The following CRTAM variants were observed in gnomAD, a reference collection of about 807,000 sequenced individuals.
CRTAM encodes cytotoxic and regulatory T cell molecule.
Under a neutral mutation model 50.0 loss-of-function variants are expected in CRTAM, and 44 were observed. The ratio of observed to expected loss-of-function variants is 0.88; its 90% CI spans 0.69 to 1.13. The LOEUF is 1.13. CRTAM is among the 50% of genes most tolerant of loss of function. The pLI, the probability that CRTAM is intolerant of heterozygous loss-of-function variation, is 0.00. For synonymous variants in CRTAM, 159 were observed against 169.3 expected (o/e 0.94, Z 0.47); for missense variants, 448 against 457.5 (o/e 0.98, Z 0.19).
chr11:122,843,248 G>A (rs779265321), intron 1 of CRTAM, among the ~76,000 whole-genome samples: 1 of 152,200 alleles, frequency 6.6e-6, no homozygotes, highest in Non-Finnish European at 1.5e-5. Context: ...ATTTGGGATG[G>A]TGATGACGGT....
chr11:122,840,420 CGTGTGT>C (rs59792353), intron 1 of CRTAM, among the ~76,000 whole-genome samples: 17 of 150,074 alleles, frequency 1.1e-4, no homozygotes, highest in African/African-American at 4.1e-4. Context: ...TTCTAATTAA[CGTGTGT>C]GTGTGTGTGT....
At position 122,851,740 on chromosome 11, in the gene CRTAM, C is replaced by G; in HGVS notation, c.241C>G (p.Leu81Val). Residue 81 changes from leucine (L) to valine (V), a missense_variant, in exon 3 of 10, where the codon CTC becomes GTC. Leu to Val is a conservative substitution (Grantham distance 32). Coordinates refer to ENST00000227348, the MANE Select transcript of CRTAM (RefSeq NM_019604.4). ...GCTTCTTCATCACTCGGCCAATCAG[C>G]TCTCCATCACTGTGCCTAACGTAAC... ...YQLLHHSANQ[L>V]SITVPNVTLQ... 6.2e-7 allele frequency: 1 copy of G among 1,614,144 alleles called. No homozygotes were observed. The highest frequency in any genetic ancestry group is 8.5e-7 in the Non-Finnish European group (1 of 1,180,018).
chr11:122,839,523 T>C (rs769258625), intron 1 of CRTAM, among the ~76,000 whole-genome samples: 14 of 152,208 alleles, frequency 9.2e-5, no homozygotes, highest in Admixed American at 6.5e-5. Context: ...CAAATTTGGA[T>C]TTTAGTGCTT....
intron 1 of CRTAM, 74 bp from the exon 2 acceptor site, chr11:122,849,994 T>C (rs1395072886): frequency 5.0e-6 from 7 of 1,387,598 alleles, no homozygotes; most frequent in Admixed American, 2.3e-5. Flanking sequence ...CATGATTGAA[T>C]GAATGAACGA....
intron 2 of CRTAM, 117 bp downstream of exon 2, chr11:122,850,331 C>T (rs1159042268): frequency 7.1e-6 from 7 of 992,046 alleles, no homozygotes; most frequent in Non-Finnish European, 1.0e-5. Flanking sequence ...GGGCTCAGCC[C>T]ACCTACTGTT....
At chr11:122,855,197 G>T (rs1051044854) in intron 4 of CRTAM, among the ~76,000 whole-genome samples, 5 of 152,174 alleles carry the variant, frequency 3.3e-5, no homozygotes, top group African/African-American at 1.2e-4. Context: ...AACTGCCTCG[G>T]CCTCCCAGAG....
At position 122,868,947 on chromosome 11, in the gene CRTAM, T is replaced by C. The variant is rs561735378; in HGVS notation, c.1051+848T>C. Among the ~76,000 whole-genome samples the C allele has an allele frequency of 3.5e-4, 54 of 152,190 alleles. 1 individual carries two copies. The South Asian group carries it at 0.011, about 32-fold the overall frequency. Reference sequence around the variant, plus strand: ...TGGCGTGAACCCGGGAGGCGGAGCTTGCAGTGAGCCGAGATCGTGCCACTG... The same window carrying C: ...TGGCGTGAACCCGGGAGGCGGAGCTCGCAGTGAGCCGAGATCGTGCCACTG... On this transcript the variant is annotated intron_variant, in intron 9 of 9. Coordinates refer to ENST00000227348, the MANE Select transcript of CRTAM (RefSeq NM_019604.4).
chr11:122,871,553 A>G lies in CRTAM; in HGVS notation c.*154A>G, dbSNP rs768510985. The G allele has an allele frequency of 1.2e-4, 65 of 557,650 alleles. No individual in the cohort carries two copies. Among genetic ancestry groups the G allele is most frequent in the Non-Finnish European group, 1.7e-4 (58 of 335,438 alleles). 34.5% of individuals were successfully genotyped at this position (557,650 alleles called of 1,614,324 possible). On this transcript the variant is annotated 3_prime_UTR_variant, in exon 10 of 10. Coordinates refer to ENST00000227348, the MANE Select transcript of CRTAM (RefSeq NM_019604.4). ...TCGGATAATGATCTGCCCCGGAGCTAGGGCAGCAACATGAGGACCAAACCA... is the reference window on the plus strand; with the variant it reads ...TCGGATAATGATCTGCCCCGGAGCTGGGGCAGCAACATGAGGACCAAACCA...
chr11:122,856,012 C>T (rs1433354450), intron 5 of CRTAM, among the ~76,000 whole-genome samples, 156 bp downstream of exon 5: 2 of 152,192 alleles, frequency 1.3e-5, no homozygotes, highest in Non-Finnish European at 2.9e-5. Context: ...TGAAATTTCT[C>T]CAGGTGAGTG....
At chr11:122,847,146 G>A (rs1285424761) in intron 1 of CRTAM, among the ~76,000 whole-genome samples, 1 of 152,114 alleles carries the variant, frequency 6.6e-6, no homozygotes, top group Non-Finnish European at 1.5e-5. Context: ...GAATACTATT[G>A]TTTTTCCTGT....
At chr11:122,854,610 C>G (rs1591352334) in intron 4 of CRTAM, among the ~76,000 whole-genome samples, 1 of 138,874 alleles carries the variant, frequency 7.2e-6, no homozygotes, top group East Asian at 2.1e-4. Flanking sequence ...TGGTGTGAGC[C>G]AAAAATCACA....
chr11:122,867,628 C>T (rs1242472277), intron 8 of CRTAM, 73 bp downstream of exon 8: 5 of 1,446,848 alleles, frequency 3.5e-6, no homozygotes, highest in Non-Finnish European at 4.7e-6. Context: ...GAAATTCTGT[C>T]CATTAAAGCT....
chr11:122,840,377 A>T (rs1351847005), intron 1 of CRTAM, among the ~76,000 whole-genome samples: 1 of 152,144 alleles, frequency 6.6e-6, no homozygotes, highest in Non-Finnish European at 1.5e-5. Context: ...CCAGCCTATA[A>T]AGCACATAGT....
rs781463123 is a variant in CRTAM, at chr11:122,850,096, C to T, written c.75C>T (p.Thr25=). 9.9e-6 allele frequency: 16 copies of T among 1,612,646 alleles called. No individual in the cohort carries two copies. The Admixed American group carries it at 2.2e-4, about 22-fold the overall frequency. Residue 25 remains threonine (T), a synonymous_variant, in exon 2 of 10, where the codon ACC becomes ACT. Transcript: ENST00000227348. The part of the protein sequence containing the change: ...QEASLTNHTE[T]ITVEEGQTLT... ...CCTCTCTGACTAACCACACAGAAAC[C>T]ATCACCGTGGAGGAAGGCCAGACGC... is the stretch of plus-strand genomic sequence containing the variant.
chr11:122,871,425 T>A lies in CRTAM; in HGVS notation c.*26T>A, dbSNP rs1862252543. 1.3e-6 allele frequency: 2 copies of A among 1,597,018 alleles called. No individual in the cohort carries two copies. Among genetic ancestry groups the A allele is most frequent in the Non-Finnish European group, 1.7e-6 (2 of 1,171,306 alleles). ...TGCTCTCTGCAATGGAACATGTGATTTCAGGGTTGCCGCAGTGTCACCTCA... is the reference window on the plus strand; with the variant it reads ...TGCTCTCTGCAATGGAACATGTGATATCAGGGTTGCCGCAGTGTCACCTCA... On this transcript the variant is annotated 3_prime_UTR_variant, in exon 10 of 10. Coordinates refer to ENST00000227348, the MANE Select transcript of CRTAM (RefSeq NM_019604.4).
chr11:122,868,188 A>ATGTGTGTGTGTGTATG, intron 9 of CRTAM, 89 bp downstream of exon 9: 1 of 438,344 alleles, frequency 2.3e-6, no homozygotes, highest in Non-Finnish European at 4.2e-6. Context: ...ACAACAGAAT[A>ATGTGTGTGTGTGTATG]TGTGTGTGTG....
At chr11:122,848,567 G>A (rs1365943688) in intron 1 of CRTAM, among the ~76,000 whole-genome samples, 1 of 152,124 alleles carries the variant, frequency 6.6e-6, no homozygotes, top group African/African-American at 2.4e-5. Flanking sequence ...CAATAATTCT[G>A]GGTTATTTCT....
At position 122,864,679 on chromosome 11, in the gene CRTAM, A is replaced by G; in HGVS notation, c.777A>G (p.Glu259=). Residue 259 remains glutamate (E), a synonymous_variant, in exon 7 of 10, where the codon GAA becomes GAG. Coordinates refer to ENST00000227348, the MANE Select transcript of CRTAM (RefSeq NM_019604.4). The part of the protein sequence containing the change: ...EDSSTSEIDK[E]EKEQTTQDPD... ...CTAGTACATCGGAGATTGACAAGGA[A>G]GAGAAAGAACAAACCACTCAAGATC... 1.2e-6 allele frequency: 2 copies of G among 1,613,946 alleles called. No individual in the cohort carries two copies. Among genetic ancestry groups the G allele is most frequent in the Non-Finnish European group, 1.7e-6 (2 of 1,179,858 alleles).
chr11:122,850,946 T>C (rs1861921801), intron 2 of CRTAM, among the ~76,000 whole-genome samples: 1 of 152,212 alleles, frequency 6.6e-6, no homozygotes. Flanking sequence ...TCAGTCTTAT[T>C]TATAAAGCAG....
Sources: allele counts gnomAD v4.1 joint callset (sites outside exome capture counted in the v4.1 genomes callset), GRCh38; gene constraint gnomAD v4.1.1; transcripts MANE v1.5; gene names NCBI Gene and HGNC (gene_info 2026-07-23, HGNC 2026-07-21).